Variants in THEMIS observed in about 807,000 individuals in gnomAD.
THEMIS encodes protein THEMIS.
Under a neutral mutation model 52.6 loss-of-function variants are expected in THEMIS, and 37 were observed. The ratio of observed to expected loss-of-function variants is 0.70; its 90% CI spans 0.54 to 0.93. THEMIS has a LOEUF of 0.93. Among genes scored for constraint, THEMIS ranks in the 40% least tolerant of loss-of-function variants. The probability of loss-of-function intolerance (pLI) is 0.00; values close to 1 mark genes in which losing one functional copy is unlikely to be tolerated. For missense variants in THEMIS, 808 were observed against 763.1 expected (o/e 1.06, Z -0.69); for synonymous variants, 292 against 272.7 (o/e 1.07, Z -0.70).
At position 127,871,214 on chromosome 6, in the gene THEMIS, C is replaced by T. The variant is rs556827477; in HGVS notation, c.92-16026G>A. On this transcript the variant is annotated intron_variant, in intron 1 of 5. Transcript: ENST00000368248. ...CCAAACACTTGAAAATGAAACACAACACCTCCAAATAATCCATGAGGCAAA... is the reference window on the plus strand; with the variant it reads ...CCAAACACTTGAAAATGAAACACAATACCTCCAAATAATCCATGAGGCAAA... Among the ~76,000 whole-genome samples the T allele has an allele frequency of 7.2e-5, 11 of 152,014 alleles. No homozygotes were observed. The East Asian group carries it at 2.1e-3, about 29-fold the overall frequency.
At chr6:127,776,684 T>C (rs1776577343) in intron 4 of THEMIS, among the ~76,000 whole-genome samples, 1 of 152,260 alleles carries the variant, frequency 6.6e-6, no homozygotes, top group Non-Finnish European at 1.5e-5. Flanking sequence ...GTTTGCTGTT[T>C]ATACTTATTA....
At chr6:127,908,556 G>A (rs923190858) in intron 1 of THEMIS, among the ~76,000 whole-genome samples, 13 of 152,076 alleles carry the variant, frequency 8.5e-5, no homozygotes, top group African/African-American at 2.9e-4. Context: ...TGTGAATGTT[G>A]GTGTTACCGT....
intron 3 of THEMIS, among the ~76,000 whole-genome samples, chr6:127,822,876 C>T (rs1778387044): frequency 6.6e-6 from 1 of 152,100 alleles, no homozygotes; most frequent in Admixed American, 6.6e-5. Flanking sequence ...CTCAAAACTG[C>T]AGCATTAACT....
intron 3 of THEMIS, among the ~76,000 whole-genome samples, chr6:127,820,287 G>C (rs1475144849): frequency 6.6e-6 from 1 of 151,954 alleles, no homozygotes; most frequent in Admixed American, 6.6e-5. Flanking sequence ...TTTTATGAAA[G>C]GCATGGCCAC....
At chr6:127,712,318 C>A (rs554961939) in intron 5 of THEMIS, among the ~76,000 whole-genome samples, 1 of 151,912 alleles carries the variant, frequency 6.6e-6, no homozygotes, top group Non-Finnish European at 1.5e-5. Context: ...CCAATCTTCA[C>A]CCAGTGCAGT....
intron 4 of THEMIS, among the ~76,000 whole-genome samples, chr6:127,787,850 T>TATAGATAGATAGATAG (rs149637898): frequency 2.1e-3 from 287 of 137,590 alleles, no homozygotes; most frequent in African/African-American, 3.7e-3. Context: ...GATAGACAGA[T>TATAGATAGATAGATAG]ATAGATAGAT....
chr6:127,786,978 C>T (rs1776970632), intron 4 of THEMIS, among the ~76,000 whole-genome samples: 1 of 151,998 alleles, frequency 6.6e-6, no homozygotes, highest in Non-Finnish European at 1.5e-5. Context: ...GGGTTTGGAG[C>T]TCCTAAAAAA....
intron 2 of THEMIS, among the ~76,000 whole-genome samples, chr6:127,831,823 T>C (rs545560749): frequency 5.3e-5 from 8 of 152,240 alleles, no homozygotes; most frequent in African/African-American, 1.9e-4. Flanking sequence ...AAAGACACAT[T>C]TACTTTGAAG....
At chr6:127,754,381 T>C (rs1775749970) in intron 4 of THEMIS, among the ~76,000 whole-genome samples, 1 of 152,124 alleles carries the variant, frequency 6.6e-6, no homozygotes, top group African/African-American at 2.4e-5. Context: ...ATGTTTACAG[T>C]TGAAACTCAG....
intron 3 of THEMIS, among the ~76,000 whole-genome samples, chr6:127,816,332 T>C (rs1284287962): frequency 6.6e-6 from 1 of 152,200 alleles, no homozygotes; most frequent in African/African-American, 2.4e-5. Context: ...ATATCATCTT[T>C]ATGCTGATGA....
At chr6:127,703,258 G>A (rs1208901731), downstream of THEMIS, among the ~76,000 whole-genome samples, 7 of 151,456 alleles carry the variant, frequency 4.6e-5, no homozygotes, top group East Asian at 3.9e-4. Flanking sequence ...CGTTTTAGCC[G>A]GGATGGTCTC....
chr6:127,723,017 A>G (rs1182854630), intron 4 of THEMIS, among the ~76,000 whole-genome samples: 3 of 151,700 alleles, frequency 2.0e-5, no homozygotes, highest in African/African-American at 7.3e-5. Context: ...AAATGTTTCC[A>G]CCTCCAATAT....
chr6:127,881,764 T>C (rs963044356), intron 1 of THEMIS, among the ~76,000 whole-genome samples: 1 of 151,934 alleles, frequency 6.6e-6, no homozygotes, highest in Non-Finnish European at 1.5e-5. Flanking sequence ...TAAGGCCTGC[T>C]TAAGCTTAAG....
chr6:127,908,145 T>G (rs1245662511), intron 1 of THEMIS, among the ~76,000 whole-genome samples: 1 of 152,130 alleles, frequency 6.6e-6, no homozygotes, highest in African/African-American at 2.4e-5. Flanking sequence ...TCATGTTTCT[T>G]CCCATGTAAG....
chr6:127,730,321 A>AAGAAAAAAAAAGAAAAG (rs1307352446), intron 4 of THEMIS, among the ~76,000 whole-genome samples: 4 of 61,516 alleles, frequency 6.5e-5, no homozygotes, highest in Non-Finnish European at 1.6e-4. Context: ...GAAAAGAGAA[A>AAGAAAAAAAAAGAAAAG]AAAAGAAAAG....
chr6:127,759,736 C>T (rs1056549563), intron 4 of THEMIS, among the ~76,000 whole-genome samples: 1 of 151,962 alleles, frequency 6.6e-6, no homozygotes, highest in Non-Finnish European at 1.5e-5. Flanking sequence ...AAAGGTTTTT[C>T]GTATGTTGTT....
intron 1 of THEMIS, among the ~76,000 whole-genome samples, chr6:127,855,807 A>T (rs1381530730): frequency 6.6e-6 from 1 of 151,930 alleles, no homozygotes; most frequent in East Asian, 1.9e-4. Flanking sequence ...TCAGTATTTC[A>T]ATCGTCTTCT....
In THEMIS at chr6:127,888,694, A is replaced by AT. The variant is rs61572907; in HGVS notation, c.91+12147dup. Among the ~76,000 whole-genome samples, 585 of 152,224 alleles carry AT rather than the reference A, an allele frequency of 3.8e-3. 3 individuals carry two copies. Among genetic ancestry groups the AT allele is most frequent in the African/African-American group, 0.014 (569 of 41,554 alleles). On this transcript the variant is annotated intron_variant, in intron 1 of 5. Transcript: ENST00000368248. ...TCAAAAGAGATCATAATGCAAACCA[A>AT]TTTTGTTTTTTGCCAAATTTTTAAA...
intron 2 of THEMIS, among the ~76,000 whole-genome samples, chr6:127,844,692 G>C (rs1779157500): frequency 2.6e-5 from 4 of 151,878 alleles, no homozygotes; most frequent in Admixed American, 1.3e-4. Context: ...ATAACACTCT[G>C]AAAGAGGGAC....
Sources: allele counts gnomAD v4.1 joint callset (sites outside exome capture counted in the v4.1 genomes callset), GRCh38; gene constraint gnomAD v4.1.1; transcripts MANE v1.5; gene names NCBI Gene and HGNC (gene_info 2026-07-23, HGNC 2026-07-21).